The following TOM1L2 variants were observed in gnomAD, a reference collection of about 807,000 sequenced individuals.
TOM1L2 encodes target of myb1 like 2 membrane trafficking protein.
TOM1L2 carries 31 observed loss-of-function variants against 67.9 expected under a neutral mutation model. That is an observed-to-expected ratio of 0.46 (90% CI 0.34 to 0.62). The LOEUF (loss-of-function observed/expected upper bound fraction) is 0.62, where lower values mean the gene tolerates loss of function less well. TOM1L2 is among the 20% of genes least tolerant of loss of function. TOM1L2 has a pLI of 0.01. For synonymous variants in TOM1L2, 256 were observed against 254.0 expected (o/e 1.01, Z -0.07); for missense variants, 606 against 663.5 (o/e 0.91, Z 0.95).
chr17:17,850,968 GC>G lies in TOM1L2; in HGVS notation c.1279-17del, dbSNP rs777087311. The stretch of plus-strand genomic sequence containing the variant: ...CAACGGGGATCTATGGAGGCGGCAA[GC>G]AGCGGGCCAGGCAGCCCCCACACAG... On this transcript the variant is annotated splice_polypyrimidine_tract_variant and intron_variant, in intron 12 of 14. Transcript: ENST00000379504. The G allele has an allele frequency of 1.2e-6, 2 of 1,613,512 alleles. No homozygotes were observed. Among genetic ancestry groups the G allele is most frequent in the South Asian group, 2.2e-5 (2 of 91,082 alleles).
intron 2 of TOM1L2, among the ~76,000 whole-genome samples, chr17:17,901,046 G>A (rs1460938245): frequency 1.3e-5 from 2 of 152,202 alleles, no homozygotes; most frequent in African/African-American, 4.8e-5. Flanking sequence ...CTCCTGGTGT[G>A]GGGGCCACGG....
intron 8 of TOM1L2, 32 bp from the exon 9 acceptor site, chr17:17,866,956 G>A: frequency 6.2e-7 from 1 of 1,611,406 alleles, no homozygotes; most frequent in Non-Finnish European, 8.5e-7. Flanking sequence ...GAAGTAAGGA[G>A]AGAGGATGCC....
chr17:17,926,035 G>A (rs1325472323), intron 1 of TOM1L2, among the ~76,000 whole-genome samples: 1 of 151,998 alleles, frequency 6.6e-6, no homozygotes, highest in Non-Finnish European at 1.5e-5. Context: ...GCAGGGCTCA[G>A]TGGCACGCAC....
At chr17:17,931,770 AC>A (rs1281381012) in intron 1 of TOM1L2, among the ~76,000 whole-genome samples, 1 of 152,212 alleles carries the variant, frequency 6.6e-6, no homozygotes, top group Non-Finnish European at 1.5e-5. Context: ...CCTGGGCCAA[AC>A]TTTACACACG....
At chr17:17,956,044 G>A (rs2041427345) in intron 1 of TOM1L2, among the ~76,000 whole-genome samples, 1 of 152,170 alleles carries the variant, frequency 6.6e-6, no homozygotes, top group Non-Finnish European at 1.5e-5. Context: ...AAAAGCAGTG[G>A]ACTCATGGAG....
At chr17:17,883,711 G>A (rs1302649512) in intron 5 of TOM1L2, among the ~76,000 whole-genome samples, 2 of 152,186 alleles carry the variant, frequency 1.3e-5, no homozygotes, top group African/African-American at 4.8e-5. Context: ...TCCAGCCTGG[G>A]CGACACAGCA....
At chr17:17,913,672 A>G (rs1187372914) in intron 1 of TOM1L2, among the ~76,000 whole-genome samples, 4 of 152,198 alleles carry the variant, frequency 2.6e-5, no homozygotes, top group Non-Finnish European at 4.4e-5. Flanking sequence ...AAATGGGTAT[A>G]TATCTTTTAG....
rs562467551 is a variant in TOM1L2, at chr17:17,921,898, A to G, written c.53-14367T>C. ...CCCACCATTCACCACCAGCACTCTCAGAGAAGAGAGGAGGTGTGCCTGAGA... is the reference window on the plus strand; with the variant it reads ...CCCACCATTCACCACCAGCACTCTCGGAGAAGAGAGGAGGTGTGCCTGAGA... On this transcript the variant is annotated intron_variant, in intron 1 of 14. Transcript: ENST00000379504. Among the ~76,000 whole-genome samples, 40 of 152,052 alleles carry G rather than the reference A, an allele frequency of 2.6e-4. No individual in the cohort carries two copies. The South Asian group carries it at 7.7e-3, about 29-fold the overall frequency.
intron 11 of TOM1L2, chr17:17,862,352 A>C: frequency 1.2e-5 from 2 of 164,674 alleles, no homozygotes; most frequent in Non-Finnish European, 2.6e-5. Flanking sequence ...GCTGTAAGGA[A>C]TGGGTTCACC....
At chr17:17,860,172 G>A (rs974354079) in intron 12 of TOM1L2, 1 of 152,308 alleles carries the variant, frequency 6.6e-6, no homozygotes, top group Non-Finnish European at 1.5e-5. Context: ...CACGAGGAGG[G>A]GATGTCCTCA....
intron 2 of TOM1L2, among the ~76,000 whole-genome samples, chr17:17,902,861 G>A (rs1013388764): frequency 1.3e-5 from 2 of 152,302 alleles, no homozygotes; most frequent in South Asian, 2.1e-4. Flanking sequence ...TTTAATCCTT[G>A]TAACAACCCT....
At chr17:17,861,317 T>C (rs1319489132) in intron 12 of TOM1L2, among the ~76,000 whole-genome samples, 159 bp downstream of exon 12, 1 of 152,156 alleles carries the variant, frequency 6.6e-6, no homozygotes, top group Non-Finnish European at 1.5e-5. Context: ...AATGAGGCAC[T>C]ACCTGGGTTC....
At chr17:17,907,826 G>C (rs764650052) in intron 1 of TOM1L2, among the ~76,000 whole-genome samples, 2 of 152,218 alleles carry the variant, frequency 1.3e-5, no homozygotes, top group Non-Finnish European at 2.9e-5. Context: ...TGAACCCGTA[G>C]AGTCTGGAGC....
chr17:17,962,155 TAATA>T (rs1465033082), intron 1 of TOM1L2, among the ~76,000 whole-genome samples: 2 of 152,144 alleles, frequency 1.3e-5, no homozygotes, highest in Admixed American at 1.3e-4. Flanking sequence ...TGAGGTTTCA[TAATA>T]AATATATGAT....
At chr17:17,945,129 A>G (rs1241732006) in intron 1 of TOM1L2, among the ~76,000 whole-genome samples, 1 of 152,222 alleles carries the variant, frequency 6.6e-6, no homozygotes, top group Non-Finnish European at 1.5e-5. Flanking sequence ...AGAAACTGGC[A>G]AAAGGTAATG....
At position 17,869,060 on chromosome 17, in the gene TOM1L2, G is replaced by A; in HGVS notation, c.911+280C>T. On this transcript the variant is annotated intron_variant, in intron 8 of 14. Coordinates refer to ENST00000379504, the MANE Select transcript of TOM1L2 (RefSeq NM_001082968.2). ...AAGTGCTACCCCTCCCTGGGGCTGGGGGTGGCGGGGCAGTGGGGAAAGGCA... is the reference window on the plus strand; with the variant it reads ...AAGTGCTACCCCTCCCTGGGGCTGGAGGTGGCGGGGCAGTGGGGAAAGGCA... The A allele has an allele frequency of 7.1e-6, 3 of 421,510 alleles. No individual in the cohort carries two copies. In the South Asian group the frequency reaches 7.5e-5, roughly 11 times the overall value. The allele number at this position is 421,510 out of a possible 1,614,324, so 26.1% of individuals were successfully genotyped here.
intron 1 of TOM1L2, among the ~76,000 whole-genome samples, chr17:17,917,637 A>C (rs903706859): frequency 2.0e-5 from 3 of 150,406 alleles, no homozygotes; most frequent in African/African-American, 7.4e-5. Context: ...ACATCTGTAG[A>C]TCACTTTGGG....
In TOM1L2 at chr17:17,893,823, G is replaced by C; in HGVS notation, c.217-13C>G. 1 of 1,612,446 alleles carries C rather than the reference G, an allele frequency of 6.2e-7. No homozygotes were observed. The highest frequency in any genetic ancestry group is 8.5e-7 in the Non-Finnish European group (1 of 1,179,122). ...ATGTCTCCAGCACCTGATGTGGGGA[G>C]GGAAGGAAAAGGGTCACCCCAGTGG... On this transcript the variant is annotated splice_polypyrimidine_tract_variant and intron_variant, in intron 3 of 14. Coordinates refer to ENST00000379504, the MANE Select transcript of TOM1L2 (RefSeq NM_001082968.2).
intron 1 of TOM1L2, among the ~76,000 whole-genome samples, chr17:17,908,169 A>T (rs981819381): frequency 6.6e-6 from 1 of 152,322 alleles, no homozygotes; most frequent in South Asian, 2.1e-4. Context: ...ATTTTATCTC[A>T]TCCACAAAAT....
Sources: gnomAD v4.1 joint callset for allele counts (sites outside exome capture counted in the v4.1 genomes callset) on GRCh38, gnomAD v4.1.1 for gene constraint, MANE v1.5 for transcripts, NCBI Gene and HGNC (gene_info 2026-07-23, HGNC 2026-07-21) for gene names.